Variants in STAMBP observed in about 807,000 individuals in gnomAD.
STAMBP encodes STAM-binding protein.
A neutral mutation model predicts 50.7 loss-of-function variants in STAMBP; 31 were observed. The ratio of observed to expected loss-of-function variants is 0.61; its 90% CI spans 0.46 to 0.83. The LOEUF (loss-of-function observed/expected upper bound fraction) is 0.83. STAMBP is among the 40% of genes least tolerant of loss of function. STAMBP has a pLI of 0.00. For missense variants in STAMBP, 472 were observed against 518.9 expected, an observed-to-expected ratio of 0.91 and a Z score of 0.88; for synonymous variants, 211 against 192.4, an observed-to-expected ratio of 1.10 and a Z score of -0.80.
intron 2 of STAMBP, 115 bp from the exon 3 acceptor site, chr2:73,844,698 C>T (rs566369061): frequency 1.9e-5 from 15 of 784,300 alleles, no homozygotes; most frequent in Middle Eastern, 4.7e-4. Context: ...TCTCCCTCCG[C>T]TGCACTTCTG....
chr2:73,846,543 C>T (rs1160060581), intron 4 of STAMBP, among the ~76,000 whole-genome samples: 1 of 151,618 alleles, frequency 6.6e-6, no homozygotes, highest in Non-Finnish European at 1.5e-5. Context: ...GGAGGATCAC[C>T]TGCGCCCAGG....
chr2:73,861,686 ATTTTTTT>A (rs954145238), intron 9 of STAMBP, among the ~76,000 whole-genome samples: 4 of 126,670 alleles, frequency 3.2e-5, no homozygotes, highest in African/African-American at 1.2e-4. Flanking sequence ...ACCGGGTTAA[ATTTTTTT>A]TTTTTTTTTT....
At chr2:73,847,876 C>A in intron 5 of STAMBP, 123 bp downstream of exon 5, 1 of 1,283,850 alleles carries the variant, frequency 7.8e-7, no homozygotes, top group Non-Finnish European at 1.1e-6. Context: ...AGAAACCCAT[C>A]TGATAAGTAT....
At chr2:73,861,751 T>G (rs1006898978) in intron 9 of STAMBP, among the ~76,000 whole-genome samples, 1 of 150,838 alleles carries the variant, frequency 6.6e-6, no homozygotes, top group African/African-American at 2.4e-5. Flanking sequence ...ATGGTCTTGA[T>G]CTCCTAACCT....
chr2:73,847,817 G>A, intron 5 of STAMBP, 64 bp downstream of exon 5: 1 of 1,543,698 alleles, frequency 6.5e-7, no homozygotes, highest in Non-Finnish European at 8.7e-7. Context: ...ATTCTGACGG[G>A]GTCAACCTAA....
chr2:73,830,714 A>T, intron 1 of STAMBP, 131 bp from the exon 2 acceptor site: 1 of 718,032 alleles, frequency 1.4e-6, no homozygotes, highest in Non-Finnish European at 2.3e-6. Context: ...GTCCTTATTT[A>T]ATAGGAGCCA....
chr2:73,830,799 A>G, intron 1 of STAMBP, 46 bp from the exon 2 acceptor site: 1 of 1,475,506 alleles, frequency 6.8e-7, no homozygotes, highest in Non-Finnish European at 9.4e-7. Flanking sequence ...AACTGCTGGG[A>G]TGATGAGGGC....
Position 73,860,150 on chromosome 2 carries a change from G to C in STAMBP, c.1217G>C (p.Cys406Ser). ...HPHSKDPPLF[C>S]SCSHVTVVDR... The stretch of plus-strand genomic sequence containing the variant: ...CACAGCAAGGATCCACCTCTGTTCT[G>C]TGTACGTATCTATGTAAAAGAAAAT... The change falls in exon 9 of 10, where the codon TGT (cysteine) becomes TCT (serine). Residue 406 changes from cysteine (C) to serine (S), a missense_variant and splice_region_variant. Physicochemically the swap from Cys to Ser is moderately radical, Grantham distance 112 (BLOSUM62 -1). Coordinates refer to ENST00000394070, the MANE Select transcript of STAMBP (RefSeq NM_213622.4). 6.2e-7 allele frequency: 1 copy of C among 1,612,658 alleles called. No individual in the cohort carries two copies. The highest frequency in any genetic ancestry group is 8.5e-7 in the Non-Finnish European group (1 of 1,179,254).
intron 9 of STAMBP, among the ~76,000 whole-genome samples, chr2:73,861,857 G>T (rs973120407): frequency 6.6e-6 from 1 of 152,014 alleles, no homozygotes; most frequent in Non-Finnish European, 1.5e-5. Context: ...GACTTTTCAG[G>T]CCGGGCACGG....
At chr2:73,860,219 T>C (rs557970445) in intron 9 of STAMBP, 68 bp downstream of exon 9, 4 of 1,324,252 alleles carry the variant, frequency 3.0e-6, no homozygotes, top group Admixed American at 3.5e-5. Context: ...GCTGATGAAA[T>C]GCATCATCCT....
At chr2:73,861,816 C>T (rs1457660296) in intron 9 of STAMBP, among the ~76,000 whole-genome samples, 5 of 151,790 alleles carry the variant, frequency 3.3e-5, no homozygotes, top group Admixed American at 6.6e-5. Context: ...CGTGAGCCAC[C>T]GCACCCAGCC....
chr2:73,834,237 ATATAT>A (rs1404252949), intron 2 of STAMBP, among the ~76,000 whole-genome samples: 16 of 11,206 alleles, frequency 1.4e-3, no homozygotes, highest in African/African-American at 2.1e-3. Flanking sequence ...AAAAAAAAAA[ATATAT>A]ATATATATAT....
At chr2:73,839,717 A>G (rs1675144926) in intron 2 of STAMBP, among the ~76,000 whole-genome samples, 2 of 152,242 alleles carry the variant, frequency 1.3e-5, no homozygotes, top group South Asian at 4.1e-4. Context: ...AGTCTCATCT[A>G]TCAGAGGTGG....
intron 1 of STAMBP, among the ~76,000 whole-genome samples, chr2:73,830,526 G>A (rs960682701): frequency 2.0e-5 from 3 of 152,218 alleles, no homozygotes; most frequent in Non-Finnish European, 2.9e-5. Flanking sequence ...TGCTGTGGGC[G>A]GAGCCCCCTA....
At position 73,860,155 on chromosome 2, in the gene STAMBP, C is replaced by T. The variant is rs190122375; in HGVS notation, c.1218+4C>T. The T allele has an allele frequency of 1.1e-5, 17 of 1,611,028 alleles. No individual in the cohort carries two copies. The highest frequency in any genetic ancestry group is 9.3e-5 in the African/African-American group (7 of 74,892). On this transcript the variant is annotated splice_donor_region_variant and intron_variant, in intron 9 of 9. Transcript: ENST00000394070. ...CAAGGATCCACCTCTGTTCTGTGTA[C>T]GTATCTATGTAAAAGAAAATGGGGC...
intron 2 of STAMBP, among the ~76,000 whole-genome samples, chr2:73,831,779 G>A (rs1305578014): frequency 6.6e-6 from 1 of 152,030 alleles, no homozygotes; most frequent in Non-Finnish European, 1.5e-5. Context: ...GTAGCTCATA[G>A]TGTGTTTCAC....
intron 9 of STAMBP, among the ~76,000 whole-genome samples, 181 bp from the exon 10 acceptor site, chr2:73,862,022 A>T (rs1678389298): frequency 6.6e-6 from 1 of 152,084 alleles, no homozygotes; most frequent in Non-Finnish European, 1.5e-5. Context: ...CTGTAATCCC[A>T]GCTACTGGGA....
chr2:73,830,676 T>C (rs897404334), intron 1 of STAMBP, among the ~76,000 whole-genome samples, 169 bp from the exon 2 acceptor site: 1 of 152,266 alleles, frequency 6.6e-6, no homozygotes, highest in Non-Finnish European at 1.5e-5. Flanking sequence ...TTGGGCTTCC[T>C]TGAGGGTCTC....
chr2:73,846,951 G>A (rs1403697603), intron 4 of STAMBP, among the ~76,000 whole-genome samples: 2 of 151,962 alleles, frequency 1.3e-5, no homozygotes, highest in African/African-American at 2.4e-5. Flanking sequence ...GTGTGGTGGT[G>A]CACACCTGTG....
Sources: allele counts gnomAD v4.1 joint callset (sites outside exome capture counted in the v4.1 genomes callset), GRCh38; gene constraint gnomAD v4.1.1; transcripts MANE v1.5; gene names NCBI Gene and HGNC (gene_info 2026-07-23, HGNC 2026-07-21).